Variants in RBMS3 observed in about 807,000 individuals in gnomAD.
RBMS3 encodes the protein RNA binding motif single stranded interacting protein 3, also known as RNA-binding motif, single-stranded-interacting protein 3.
A neutral mutation model predicts 66.8 loss-of-function variants in RBMS3; 27 were observed. The observed-to-expected ratio is 0.40, with a 90% CI of 0.30 to 0.56. The LOEUF (loss-of-function observed/expected upper bound fraction) is 0.56, where lower values mean the gene tolerates loss of function less well. Ranked by LOEUF, RBMS3 falls within the 20% of genes least tolerant of loss-of-function variation. RBMS3 has a pLI of 0.40. For missense variants in RBMS3, 513 were observed against 549.5 expected (o/e 0.93, Z 0.66); for synonymous variants, 188 against 183.0 (o/e 1.03, Z -0.22).
chr3:29,983,835 C>T lies in RBMS3; in HGVS notation c.1099-4308C>T, dbSNP rs768165286. Among the ~76,000 whole-genome samples the T allele has an allele frequency of 2.1e-5, 3 of 144,058 alleles. No individual in the cohort carries two copies. In the South Asian group the frequency reaches 6.5e-4, roughly 31 times the overall value. The allele number at this position is 144,058 out of a possible 152,430, so 94.5% of individuals were successfully genotyped here. A position where few individuals can be genotyped will look rare whatever the true frequency, so the allele number is the denominator to read the frequency against. ...ATAACATGACCTTTCTTTCTGGCTG[C>T]CCTTAACATTTTTTCTTTCATTTCA... On this transcript the variant is annotated intron_variant, in intron 12 of 14. Transcript: ENST00000383767.
intron 4 of RBMS3, among the ~76,000 whole-genome samples, chr3:29,654,741 C>G (rs1484865439): frequency 1.3e-5 from 2 of 150,712 alleles, no homozygotes; most frequent in Non-Finnish European, 2.9e-5. Flanking sequence ...AGGCACACAT[C>G]ACCATGCCCA....
chr3:29,986,718 G>A (rs1275854486), intron 12 of RBMS3, among the ~76,000 whole-genome samples: 1 of 152,118 alleles, frequency 6.6e-6, no homozygotes, highest in Non-Finnish European at 1.5e-5. Flanking sequence ...TGAGGCAGGT[G>A]GATCACTTGA....
chr3:29,891,485 G>A (rs1327075767), intron 8 of RBMS3, among the ~76,000 whole-genome samples: 1 of 151,578 alleles, frequency 6.6e-6, no homozygotes, highest in African/African-American at 2.4e-5. Flanking sequence ...TTAGAGCTAT[G>A]TGGTAAAACT....
chr3:29,318,199 C>T (rs2034803088), intron 1 of RBMS3, among the ~76,000 whole-genome samples: 1 of 151,776 alleles, frequency 6.6e-6, no homozygotes, highest in South Asian at 2.1e-4. Context: ...CACCGTATTT[C>T]AAAGAAAAGC....
chr3:29,837,654 TATAATGAAC>T (rs2058549435), intron 6 of RBMS3, among the ~76,000 whole-genome samples: 3 of 119,460 alleles, frequency 2.5e-5, no homozygotes, highest in African/African-American at 3.5e-5. Context: ...AACATATATA[TATAATGAAC>T]ATATATATAT....
At chr3:29,731,117 C>A (rs1283284167) in intron 4 of RBMS3, 1 of 748,678 alleles carries the variant, frequency 1.3e-6, no homozygotes, top group African/African-American at 1.9e-5. Flanking sequence ...CAGCCCAAGC[C>A]TTAAAGAATA....
chr3:29,865,344 C>T (rs953518118), intron 6 of RBMS3, among the ~76,000 whole-genome samples: 51 of 152,166 alleles, frequency 3.4e-4, no homozygotes, highest in African/African-American at 1.2e-3. Flanking sequence ...GTTAGGGGAC[C>T]ATAAACAACC....
intron 5 of RBMS3, among the ~76,000 whole-genome samples, chr3:29,760,508 T>C (rs1057373838): frequency 5.3e-5 from 8 of 152,090 alleles, no homozygotes; most frequent in Admixed American, 2.6e-4. Flanking sequence ...AAGTAACATC[T>C]GTAGTAATTA....
At chr3:29,614,178 A>G (rs1199301577) in intron 4 of RBMS3, among the ~76,000 whole-genome samples, 1 of 152,154 alleles carries the variant, frequency 6.6e-6, no homozygotes, top group East Asian at 1.9e-4. Context: ...TGCAACATGG[A>G]TGAACCTGGA....
chr3:29,995,116 C>A (rs1276749684), intron 14 of RBMS3, among the ~76,000 whole-genome samples: 1 of 152,024 alleles, frequency 6.6e-6, no homozygotes, highest in East Asian at 1.9e-4. Context: ...TCAAGAACTA[C>A]GTGAAGAATG....
intron 4 of RBMS3, among the ~76,000 whole-genome samples, chr3:29,641,379 C>T (rs2049704912): frequency 6.6e-6 from 1 of 151,934 alleles, no homozygotes; most frequent in Non-Finnish European, 1.5e-5. Context: ...CTGCATTGAC[C>T]ATCCTTATAA....
At chr3:29,497,612 AT>A (rs1314680254) in intron 3 of RBMS3, among the ~76,000 whole-genome samples, 95 of 152,216 alleles carry the variant, frequency 6.2e-4, no homozygotes, top group African/African-American at 2.2e-3. Context: ...GACTCTACTC[AT>A]CCTATCTAAA....
At chr3:29,435,498 T>C (rs1041557358) in intron 2 of RBMS3, among the ~76,000 whole-genome samples, 2 of 152,232 alleles carry the variant, frequency 1.3e-5, no homozygotes, top group East Asian at 1.9e-4. Flanking sequence ...TTATATTTGC[T>C]TGGAAGCTTG....
intron 4 of RBMS3, among the ~76,000 whole-genome samples, chr3:29,671,542 T>G (rs1398320755): frequency 1.3e-5 from 2 of 152,166 alleles, no homozygotes; most frequent in Non-Finnish European, 2.9e-5. Flanking sequence ...TGAAAAAAGA[T>G]TAGACGAATG....
At chr3:29,596,082 T>C (rs2047933359) in intron 4 of RBMS3, among the ~76,000 whole-genome samples, 1 of 152,148 alleles carries the variant, frequency 6.6e-6, no homozygotes, top group Admixed American at 6.6e-5. Context: ...CCACTATCTT[T>C]CCATAAGAAA....
chr3:29,988,557 A>G (rs62235533), intron 13 of RBMS3, among the ~76,000 whole-genome samples: 22,262 of 152,236 alleles, frequency 0.15, 1,894 homozygotes, highest in Middle Eastern at 0.22. Flanking sequence ...GAATGAACTA[A>G]TTCTCTAATG....
chr3:29,586,192 C>T (rs2047515110), intron 3 of RBMS3, among the ~76,000 whole-genome samples: 1 of 152,086 alleles, frequency 6.6e-6, no homozygotes, highest in South Asian at 2.1e-4. Context: ...CAAAGCTGTC[C>T]TTATACTCAC....
chr3:29,521,456 G>C (rs2044853567), intron 3 of RBMS3, among the ~76,000 whole-genome samples: 1 of 152,164 alleles, frequency 6.6e-6, no homozygotes, highest in Non-Finnish European at 1.5e-5. Context: ...ACACATGGTA[G>C]ATACTGGGAA....
At chr3:29,605,060 G>C (rs975016512) in intron 4 of RBMS3, among the ~76,000 whole-genome samples, 15 of 151,676 alleles carry the variant, frequency 9.9e-5, no homozygotes, top group African/African-American at 3.6e-4. Flanking sequence ...AACTTGCATT[G>C]AATATTATGG....
Sources: allele counts gnomAD v4.1 joint callset (sites outside exome capture counted in the v4.1 genomes callset), GRCh38; gene constraint gnomAD v4.1.1; transcripts MANE v1.5; gene names NCBI Gene and HGNC (gene_info 2026-07-23, HGNC 2026-07-21).